Variants in GPR155 observed in about 807,000 individuals in gnomAD.
GPR155 encodes G protein-coupled receptor 155, also known as lysosomal cholesterol signaling protein.
A neutral mutation model predicts 93.1 loss-of-function variants in GPR155; 65 were observed. That is an observed-to-expected ratio of 0.70 (90% confidence interval 0.57 to 0.86). GPR155 has a LOEUF of 0.86. GPR155 is among the 40% of genes least tolerant of loss of function. The pLI, the probability that GPR155 is intolerant of heterozygous loss-of-function variation, is 0.00. For missense variants in GPR155, 838 were observed against 1,034.8 expected, an observed-to-expected ratio of 0.81 and a Z score of 2.61; for synonymous variants, 319 against 360.1, an observed-to-expected ratio of 0.89 and a Z score of 1.29.
chr2:174,462,008 T>C (rs1474123612), intron 7 of GPR155, among the ~76,000 whole-genome samples: 1 of 152,152 alleles, frequency 6.6e-6, no homozygotes, highest in East Asian at 1.9e-4. Context: ...TGATCACAGC[T>C]CCCTGCAGCC....
intron 14 of GPR155, among the ~76,000 whole-genome samples, chr2:174,441,653 G>T (rs1686964357): frequency 6.6e-6 from 1 of 151,864 alleles, no homozygotes; most frequent in Admixed American, 6.6e-5. Flanking sequence ...TCATTGTTCA[G>T]TTGCCACCTA....
chr2:174,472,072 C>T (rs1039412023), intron 3 of GPR155, among the ~76,000 whole-genome samples: 2 of 152,132 alleles, frequency 1.3e-5, no homozygotes, highest in African/African-American at 4.8e-5. Context: ...TCATGTAGAA[C>T]TCCATGGCTA....
At chr2:174,461,727 T>A in intron 7 of GPR155, 55 bp from the exon 8 acceptor site, 1 of 992,322 alleles carries the variant, frequency 1.0e-6, no homozygotes, top group Non-Finnish European at 1.6e-6. Flanking sequence ...TCAGACTTTA[T>A]GAAACTTTAT....
intron 5 of GPR155, among the ~76,000 whole-genome samples, chr2:174,468,241 T>C (rs1687895882): frequency 2.0e-5 from 3 of 152,252 alleles, no homozygotes; most frequent in Non-Finnish European, 4.4e-5. Flanking sequence ...CACATTTATC[T>C]GTTACCAATA....
chr2:174,437,524 C>T (rs539279774), intron 15 of GPR155, among the ~76,000 whole-genome samples: 243 of 150,952 alleles, frequency 1.6e-3, no homozygotes, highest in African/African-American at 5.5e-3. Flanking sequence ...GGATATTATA[C>T]TCTGTGTTAG....
At chr2:174,439,419 A>C (rs893979958) in intron 15 of GPR155, among the ~76,000 whole-genome samples, 6 of 152,196 alleles carry the variant, frequency 3.9e-5, no homozygotes, top group Non-Finnish European at 8.8e-5. Flanking sequence ...AATAAATATT[A>C]TGTCACAGAC....
At chr2:174,455,765 T>C (rs374319132) in intron 10 of GPR155, among the ~76,000 whole-genome samples, 1 of 152,166 alleles carries the variant, frequency 6.6e-6, no homozygotes, top group Non-Finnish European at 1.5e-5. Context: ...AGAAAGATAA[T>C]TGTTTGTTTA....
intron 5 of GPR155, 54 bp downstream of exon 5, chr2:174,468,858 A>G (rs2105721056): frequency 6.9e-7 from 1 of 1,458,468 alleles, no homozygotes; most frequent in Non-Finnish European, 9.6e-7. Context: ...TTAACAGTCT[A>G]TTCTCAAAAC....
rs75616636 is a variant in GPR155 at position 174,463,755 on chromosome 2, G to A, written c.1384+2030C>T. Among the ~76,000 whole-genome samples the A allele has an allele frequency of 3.8e-3, 584 of 152,282 alleles. 7 individuals carry two copies. The highest frequency in any genetic ancestry group is 0.029 in the East Asian group (152 of 5,186). ...ATTAATGTTGCTAATTAGAATTACT[G>A]GGTTTGTAGTTTTGTTTGAATAGAA... is the stretch of plus-strand genomic sequence containing the variant. On this transcript the variant is annotated intron_variant, in intron 7 of 15. Transcript: ENST00000392552.
chr2:174,481,707 C>T lies in GPR155; in HGVS notation c.250G>A (p.Ala84Thr). The change falls in exon 2 of 16, where the codon GCT (alanine) becomes ACT (threonine). Residue 84 changes from alanine to threonine, a missense_variant. This residue lies in a region of GPR155 where 663 missense variants were observed against 790.1 expected (regional missense o/e 0.84). Transcript: ENST00000392552. ...GNFVSRFALPALLFKNMVVLN... is the reference protein window; with the variant it reads ...GNFVSRFALPTLLFKNMVVLN... ...ACAACCATGTTTTTGAATAATAAAG[C>T]TGGAAGTGCAAATCTGGAGACAAAA... 1 of 1,614,098 alleles carries T rather than the reference C, an allele frequency of 6.2e-7. No homozygotes were observed. Among genetic ancestry groups the T allele is most frequent in the Non-Finnish European group, 8.5e-7 (1 of 1,179,956 alleles).
chr2:174,485,822 T>G (rs778316485), intron 1 of GPR155, among the ~76,000 whole-genome samples: 1 of 151,974 alleles, frequency 6.6e-6, no homozygotes, highest in Non-Finnish European at 1.5e-5. Context: ...AAAAAAAAAT[T>G]ACATCCAGCC....
In GPR155 at chr2:174,461,587, C is replaced by T. The variant is rs770345984; in HGVS notation, c.1469+1G>A. The T allele has an allele frequency of 6.2e-6, 10 of 1,601,986 alleles. No individual in the cohort carries two copies. In the Admixed American group the frequency reaches 1.3e-4, roughly 21 times the overall value. ...AAGCAAACAGAGAACTACCAACTTA[C>T]CCCCAGCCAGATATTATGATTATTC... On this transcript the variant is annotated splice_donor_variant, in intron 8 of 15. Transcript: ENST00000392552. LOFTEE classifies it high-confidence loss of function.
At position 174,446,666 on chromosome 2, in the gene GPR155, T is replaced by C. The variant is rs1466558807; in HGVS notation, c.1958A>G (p.Gln653Arg). 1 of 1,614,044 alleles carries C rather than the reference T, an allele frequency of 6.2e-7. No individual in the cohort carries two copies. Among genetic ancestry groups the C allele is most frequent in the Non-Finnish European group, 8.5e-7 (1 of 1,179,876 alleles). ...CAGCAACACATGTCGGGTCAGTTGC[T>C]GGTCTCCACTCTGTAGATACTGTTC... is the stretch of plus-strand genomic sequence containing the variant. ...EEEQYLQSGD[Q>R]QLTRHVLLCL... The change falls in exon 12 of 16, where the codon CAG (glutamine) becomes CGG (arginine). Residue 653 changes from glutamine to arginine, a missense_variant. Gln to Arg is a conservative substitution (Grantham distance 43). Around this residue, in one of 3 missense-constraint regions of GPR155, gnomAD observed 663 missense variants for 790.1 expected, o/e 0.84. Coordinates refer to ENST00000392552, the MANE Select transcript of GPR155 (RefSeq NM_152529.7).
chr2:174,460,195 C>G, intron 9 of GPR155, 107 bp from the exon 10 acceptor site: 2 of 696,470 alleles, frequency 2.9e-6, no homozygotes, highest in Non-Finnish European at 2.2e-6. Context: ...GAGTCTTGCT[C>G]TGTCGCCCAG....
rs370036675 is a variant in GPR155 at position 174,459,892 on chromosome 2, G to C, written c.1757C>G (p.Ser586Cys). The C allele has an allele frequency of 2.1e-5, 33 of 1,607,372 alleles. No individual in the cohort carries two copies. The highest frequency in any genetic ancestry group is 2.4e-5 in the Non-Finnish European group (28 of 1,174,092). ...AAAGATCATACTTGTTTCTGGAATA[G>C]AGCTTGTAAAAAGTTCTGGTTCATT... is the stretch of plus-strand genomic sequence containing the variant. ...PVNEPELFTSSIPETSCCSCS... is the reference protein window; with the variant it reads ...PVNEPELFTSCIPETSCCSCS... Residue 586 changes from serine to cysteine, a missense_variant, in exon 10 of 16, where the codon TCT becomes TGT. Physicochemically the swap from Ser to Cys is moderately radical, Grantham distance 112 (BLOSUM62 -1). Around this residue, in one of 3 missense-constraint regions of GPR155, gnomAD observed 663 missense variants for 790.1 expected, o/e 0.84. Coordinates refer to ENST00000392552, the MANE Select transcript of GPR155 (RefSeq NM_152529.7).
chr2:174,472,332 C>T (rs900882745), intron 3 of GPR155, among the ~76,000 whole-genome samples: 4 of 152,074 alleles, frequency 2.6e-5, no homozygotes, highest in African/African-American at 7.2e-5. Flanking sequence ...CTTGAACCTA[C>T]GAGGTGGAGG....
chr2:174,458,555 A>G (rs1687588584), intron 10 of GPR155, among the ~76,000 whole-genome samples: 1 of 152,148 alleles, frequency 6.6e-6, no homozygotes, highest in Non-Finnish European at 1.5e-5. Context: ...AACCCTGTCA[A>G]TACAACTTTG....
At position 174,436,296 on chromosome 2, in the gene GPR155, T is replaced by A; in HGVS notation, c.2433A>T (p.Gln811His). ...TGGTAATATGTTGGATGACTCCCCC[T>A]TGTACCAGCCTGTCTCCGTATATCA... ...EAVIYGDRLV[Q>H]GGVIQHITNE... The change falls in exon 16 of 16, where the codon CAA becomes CAT. Residue 811 changes from glutamine (Q) to histidine (H), a missense_variant. Physicochemically the swap from Gln to His is conservative, Grantham distance 24. Coordinates refer to ENST00000392552, the MANE Select transcript of GPR155 (RefSeq NM_152529.7). 6.2e-7 allele frequency: 1 copy of A among 1,614,170 alleles called. No homozygotes were observed. Among genetic ancestry groups the A allele is most frequent in the Non-Finnish European group, 8.5e-7 (1 of 1,180,016 alleles).
intron 5 of GPR155, among the ~76,000 whole-genome samples, chr2:174,468,659 A>T (rs1207637268): frequency 6.6e-6 from 1 of 152,234 alleles, no homozygotes. Flanking sequence ...ACAGAGGCAT[A>T]CAGCTAGTTT....
Sources: allele counts gnomAD v4.1 joint callset (sites outside exome capture counted in the v4.1 genomes callset), GRCh38; gene constraint gnomAD v4.1.1; regional missense constraint gnomAD v4.1.1; transcripts MANE v1.5; gene names NCBI Gene and HGNC (gene_info 2026-07-23, HGNC 2026-07-21).